The following SEMA5A variants were observed in gnomAD, a reference collection of about 807,000 sequenced individuals.
SEMA5A encodes the protein semaphorin 5A.
In SEMA5A, 55 loss-of-function variants were observed where a neutral mutation model predicts 135.5. The ratio of observed to expected loss-of-function variants is 0.41; its 90% CI spans 0.33 to 0.51. SEMA5A has a LOEUF of 0.51. Among genes scored for constraint, SEMA5A ranks in the 20% least tolerant of loss-of-function variants. SEMA5A has a pLI of 0.37. For missense variants in SEMA5A, 1,290 were observed against 1,419.9 expected (o/e 0.91, Z 1.47); for synonymous variants, 580 against 546.5 (o/e 1.06, Z -0.85).
intron 4 of SEMA5A, among the ~76,000 whole-genome samples, chr5:9,328,204 G>T (rs3797980): frequency 6.6e-6 from 1 of 151,898 alleles, no homozygotes; most frequent in East Asian, 1.9e-4. Flanking sequence ...GAACTGAAAC[G>T]TGTCTCAAAT....
chr5:9,073,151 T>A (rs1353883678), intron 16 of SEMA5A, among the ~76,000 whole-genome samples: 1 of 152,110 alleles, frequency 6.6e-6, no homozygotes, highest in East Asian at 1.9e-4. Context: ...ACTACATGAA[T>A]GTAGTTTTCT....
At chr5:9,196,498 C>A (rs1226673065) in intron 10 of SEMA5A, among the ~76,000 whole-genome samples, 1 of 152,190 alleles carries the variant, frequency 6.6e-6, no homozygotes, top group Non-Finnish European at 1.5e-5. Context: ...CTTTTTTAAG[C>A]TACCCAGTCG....
At position 9,066,603 on chromosome 5, in the gene SEMA5A, T is replaced by A; in HGVS notation, c.2117A>T (p.Lys706Met). Residue 706 changes from lysine (K) to methionine (M), a missense_variant, in exon 17 of 23, where the codon AAG (lysine) becomes ATG (methionine). This residue lies in a region of SEMA5A where 1,029 missense variants were observed against 1,086.6 expected (regional missense o/e 0.95). Transcript: ENST00000382496. ...TGTCCAGGGTGTCCAGGGCGTGGTCTTCTTCAGCTCAGGACACGGGTTGGT... is the reference window on the plus strand; with the variant it reads ...TGTCCAGGGTGTCCAGGGCGTGGTCATCTTCAGCTCAGGACACGGGTTGGT... ...CNTNPCPELK[K>M]TTPWTPWTPV... 1 of 1,614,192 alleles carries A rather than the reference T, an allele frequency of 6.2e-7. No homozygotes were observed. The highest frequency in any genetic ancestry group is 1.3e-5 in the African/African-American group (1 of 75,034).
At chr5:9,473,473 C>T (rs190459569) in intron 1 of SEMA5A, among the ~76,000 whole-genome samples, 4 of 149,768 alleles carry the variant, frequency 2.7e-5, no homozygotes, top group African/African-American at 9.8e-5. Context: ...TCTCCAGGAA[C>T]AGCCACCGGG....
chr5:9,045,223 T>TAATCCATGGTGTA (rs1339473847), intron 21 of SEMA5A, among the ~76,000 whole-genome samples: 1 of 152,234 alleles, frequency 6.6e-6, no homozygotes, highest in African/African-American at 2.4e-5. Flanking sequence ...AAGTGCAGCC[T>TAATCCATGGTGTA]AATCCATGGT....
intron 21 of SEMA5A, among the ~76,000 whole-genome samples, chr5:9,049,862 G>A (rs1186178610): frequency 6.6e-6 from 1 of 152,148 alleles, no homozygotes; most frequent in Non-Finnish European, 1.5e-5. Context: ...CATTCAGGGT[G>A]GCAGGAGGTT....
intron 16 of SEMA5A, among the ~76,000 whole-genome samples, chr5:9,099,622 G>A (rs764179113): frequency 6.6e-6 from 1 of 152,184 alleles, no homozygotes; most frequent in Non-Finnish European, 1.5e-5. Flanking sequence ...CAATTATTAA[G>A]GAGGGACATG....
At chr5:9,331,861 T>C (rs1753147356) in intron 4 of SEMA5A, among the ~76,000 whole-genome samples, 2 of 152,260 alleles carry the variant, frequency 1.3e-5, no homozygotes, top group Admixed American at 6.5e-5. Flanking sequence ...TCTGTAGTTT[T>C]GTAAATTCAA....
intron 5 of SEMA5A, among the ~76,000 whole-genome samples, chr5:9,263,251 A>G (rs1297566681): frequency 6.6e-6 from 1 of 152,154 alleles, no homozygotes; most frequent in Non-Finnish European, 1.5e-5. Context: ...GGGGTCCCCA[A>G]CACCCAAGCC....
intron 16 of SEMA5A, among the ~76,000 whole-genome samples, chr5:9,081,874 G>A (rs1367380391): frequency 6.6e-6 from 1 of 152,146 alleles, no homozygotes; most frequent in Non-Finnish European, 1.5e-5. Flanking sequence ...AGAATTCACA[G>A]AACTTAAAGC....
chr5:9,270,211 T>C (rs1350672599), intron 5 of SEMA5A, among the ~76,000 whole-genome samples: 1 of 152,106 alleles, frequency 6.6e-6, no homozygotes, highest in Non-Finnish European at 1.5e-5. Flanking sequence ...AATTTGCTGA[T>C]GGAAGGATTA....
chr5:9,164,592 G>A (rs777938736), intron 11 of SEMA5A, among the ~76,000 whole-genome samples: 8 of 151,794 alleles, frequency 5.3e-5, no homozygotes, highest in African/African-American at 7.3e-5. Context: ...TAGAAAAGTC[G>A]CAGGGAATGT....
intron 2 of SEMA5A, among the ~76,000 whole-genome samples, chr5:9,423,355 T>C (rs1035837742): frequency 2.0e-5 from 3 of 152,234 alleles, no homozygotes; most frequent in African/African-American, 7.2e-5. Context: ...TCCTTAGTTA[T>C]CTGTTTTATT....
chr5:9,051,724 C>A (rs766668311), intron 20 of SEMA5A, 149 bp downstream of exon 20: 229 of 856,422 alleles, frequency 2.7e-4, no homozygotes, highest in Non-Finnish European at 3.9e-4. Flanking sequence ...ATCTATAGAC[C>A]TACGTTTTAA....
chr5:9,468,311 C>T (rs918134151), intron 1 of SEMA5A, among the ~76,000 whole-genome samples: 6 of 152,112 alleles, frequency 3.9e-5, no homozygotes, highest in South Asian at 2.1e-4. Context: ...ATTACTGGAA[C>T]GTCTACTGTA....
chr5:9,438,580 A>T (rs980289096), intron 1 of SEMA5A, among the ~76,000 whole-genome samples: 1 of 152,210 alleles, frequency 6.6e-6, no homozygotes, highest in African/African-American at 2.4e-5. Flanking sequence ...TATGATCCAT[A>T]TGAGAAATGT....
intron 1 of SEMA5A, among the ~76,000 whole-genome samples, chr5:9,442,270 TG>T (rs1409374966): frequency 6.6e-6 from 1 of 152,216 alleles, no homozygotes; most frequent in Non-Finnish European, 1.5e-5. Flanking sequence ...CATGTCTATG[TG>T]GTCAATTCTC....
At chr5:9,148,851 C>G (rs1167119607) in intron 12 of SEMA5A, among the ~76,000 whole-genome samples, 2 of 152,144 alleles carry the variant, frequency 1.3e-5, no homozygotes, top group Admixed American at 1.3e-4. Context: ...TTCTAAGTAG[C>G]TGTGATTTCA....
chr5:9,302,423 G>A (rs574815707), intron 5 of SEMA5A, among the ~76,000 whole-genome samples: 11 of 152,252 alleles, frequency 7.2e-5, no homozygotes, highest in Middle Eastern at 6.8e-3. Context: ...ATACAATGAC[G>A]TCATTACAGA....
Sources: allele counts gnomAD v4.1 joint callset (sites outside exome capture counted in the v4.1 genomes callset), GRCh38; gene constraint gnomAD v4.1.1; regional missense constraint gnomAD v4.1.1; transcripts MANE v1.5; gene names NCBI Gene and HGNC (gene_info 2026-07-23, HGNC 2026-07-21).